Variants in VPS37A observed in about 807,000 individuals in gnomAD.
VPS37A encodes the protein VPS37A subunit of ESCRT-I.
In VPS37A, 30 loss-of-function variants were observed where a neutral mutation model predicts 49.8. The ratio of observed to expected loss-of-function variants is 0.60; its 90% confidence interval spans 0.45 to 0.82. The LOEUF is 0.82. Among genes scored for constraint, VPS37A ranks in the 40% least tolerant of loss-of-function variants. The pLI is 0.00. For synonymous variants in VPS37A, 195 were observed against 160.6 expected (o/e 1.21, Z -1.62); for missense variants, 593 against 464.4 (o/e 1.28, Z -2.55).
At chr8:17,305,793 A>G (rs765152454), downstream of VPS37A, 2 of 1,613,550 alleles carry the variant, frequency 1.2e-6, no homozygotes, top group Non-Finnish European at 1.7e-6. Context: ...GTTACATAGG[A>G]AGTTTCCAAA....
intron 1 of VPS37A, chr8:17,247,611 C>G (rs749066629): frequency 2.8e-6 from 2 of 707,310 alleles, no homozygotes; most frequent in Non-Finnish European, 5.1e-6. Context: ...CTCATCCCTC[C>G]TGACACATAG....
chr8:17,321,374 C>A, the VPS37A span, among the ~76,000 whole-genome samples: 2 of 152,214 alleles, frequency 1.3e-5, no homozygotes, highest in Non-Finnish European at 2.9e-5. Flanking sequence ...CATGTCAGCA[C>A]TAACAAGGCT....
At chr8:17,309,397 G>C in the VPS37A span, 1 of 1,070,528 alleles carries the variant, frequency 9.3e-7, no homozygotes, top group South Asian at 1.3e-5. Context: ...AACCAATAAT[G>C]TTGAGGAATT....
chr8:17,273,288 A>AGCTT (rs1814184623), intron 4 of VPS37A, among the ~76,000 whole-genome samples: 1 of 151,840 alleles, frequency 6.6e-6, no homozygotes, highest in Non-Finnish European at 1.5e-5. Context: ...CCCAAATGTG[A>AGCTT]GCTTATTTGT....
chr8:17,325,088 T>C, the VPS37A span, among the ~76,000 whole-genome samples: 1,771 of 152,150 alleles, frequency 0.012, 16 homozygotes, highest in Non-Finnish European at 0.021. Context: ...AGACATGAGG[T>C]ACGGAAGAAT....
chr8:17,290,773 C>G (rs1314754883), intron 11 of VPS37A, among the ~76,000 whole-genome samples: 1 of 152,068 alleles, frequency 6.6e-6, no homozygotes, highest in East Asian at 1.9e-4. Context: ...CTCTTTGTAC[C>G]TCTGGTAGAA....
At chr8:17,258,335 C>T (rs755141642) in intron 1 of VPS37A, among the ~76,000 whole-genome samples, 13 of 152,026 alleles carry the variant, frequency 8.6e-5, no homozygotes, top group African/African-American at 1.2e-4. Flanking sequence ...ATACCCAGTT[C>T]GATGAGGGTT....
chr8:17,285,603 G>T (rs547496635), intron 10 of VPS37A, among the ~76,000 whole-genome samples: 24 of 152,230 alleles, frequency 1.6e-4, no homozygotes, highest in East Asian at 1.9e-4. Flanking sequence ...ACACACTCCT[G>T]TTAAGGCAGA....
intron 11 of VPS37A, among the ~76,000 whole-genome samples, chr8:17,288,752 T>C (rs1383416292): frequency 6.6e-6 from 1 of 152,174 alleles, no homozygotes; most frequent in African/African-American, 2.4e-5. Flanking sequence ...GGGATCTGGG[T>C]CAAATGGTAT....
chr8:17,309,177 A>T, the VPS37A span: 1 of 800,422 alleles, frequency 1.2e-6, no homozygotes, highest in Non-Finnish European at 2.1e-6. Context: ...AGAGACACAA[A>T]CTCAAAAAAC....
At chr8:17,257,286 T>C (rs1812552412) in intron 1 of VPS37A, among the ~76,000 whole-genome samples, 1 of 152,236 alleles carries the variant, frequency 6.6e-6, no homozygotes, top group Non-Finnish European at 1.5e-5. Flanking sequence ...TGTTTGTTTT[T>C]AGGCCAGTAG....
Position 17,268,336 on chromosome 8 carries a change from A to G in VPS37A, c.279A>G (p.Lys93=), listed in dbSNP as rs1465267990. The change falls in exon 3 of 12, where the codon AAA becomes AAG. Residue 93 remains lysine (K), a synonymous_variant. Coordinates refer to ENST00000324849, the MANE Select transcript of VPS37A (RefSeq NM_152415.3). ...CAATACGACATCACTTAATGGATAA[A>G]CAAGGAGTGTATGTTACCTCTCCAT... ...YPPIRHHLMD[K]QGVYVTSPLV... 6.2e-7 allele frequency: 1 copy of G among 1,613,402 alleles called. No individual in the cohort carries two copies. Among genetic ancestry groups the G allele is most frequent in the Admixed American group, 1.7e-5 (1 of 60,024 alleles).
chr8:17,277,789 A>G (rs1167037190), intron 6 of VPS37A, among the ~76,000 whole-genome samples: 1 of 151,452 alleles, frequency 6.6e-6, no homozygotes, highest in African/African-American at 2.4e-5. Flanking sequence ...AGTTCCACCT[A>G]TTGCATTTGG....
chr8:17,281,432 T>G (rs1815043213), intron 9 of VPS37A, among the ~76,000 whole-genome samples: 1 of 152,024 alleles, frequency 6.6e-6, no homozygotes, highest in African/African-American at 2.4e-5. Context: ...TAGTAAATGT[T>G]GAAGAAGCTT....
At chr8:17,286,830 T>C (rs1815641563) in intron 11 of VPS37A, among the ~76,000 whole-genome samples, 1 of 152,176 alleles carries the variant, frequency 6.6e-6, no homozygotes, top group African/African-American at 2.4e-5. Flanking sequence ...ACGATTACTC[T>C]AATAATTCAC....
downstream of VPS37A, chr8:17,305,909 G>C (rs1441410555): frequency 1.2e-6 from 2 of 1,613,670 alleles, no homozygotes; most frequent in Non-Finnish European, 8.5e-7. Flanking sequence ...CAATGAACTG[G>C]TCAATAACTG....
At chr8:17,331,457 T>C in the VPS37A span, among the ~76,000 whole-genome samples, 2 of 152,224 alleles carry the variant, frequency 1.3e-5, no homozygotes, top group Non-Finnish European at 2.9e-5. Context: ...CAGGGACTCC[T>C]GCTGAGCTTA....
the VPS37A span, among the ~76,000 whole-genome samples, chr8:17,318,802 A>T: frequency 6.6e-6 from 1 of 152,192 alleles, no homozygotes; most frequent in Non-Finnish European, 1.5e-5. Context: ...CCCCAGGGAC[A>T]GCTGACACAG....
At chr8:17,256,493 GT>G (rs1416484722) in intron 1 of VPS37A, among the ~76,000 whole-genome samples, 2 of 151,266 alleles carry the variant, frequency 1.3e-5, no homozygotes, top group African/African-American at 4.9e-5. Flanking sequence ...CACATTATTT[GT>G]TTTTCTGCTT....
Sources: allele counts gnomAD v4.1 joint callset (sites outside exome capture counted in the v4.1 genomes callset), GRCh38; gene constraint gnomAD v4.1.1; transcripts MANE v1.5; gene names NCBI Gene and HGNC (gene_info 2026-07-23, HGNC 2026-07-21).